Variants in PRKCB observed in about 807,000 individuals in gnomAD.
The protein encoded by PRKCB is protein kinase C beta type.
PRKCB carries 13 observed loss-of-function variants against 81.5 expected under a neutral mutation model. That is an observed-to-expected ratio of 0.16 (90% CI 0.10 to 0.25). PRKCB has a LOEUF of 0.25. Among genes scored for constraint, PRKCB ranks in the 10% least tolerant of loss-of-function variants. PRKCB has a pLI of 1.00. For synonymous variants in PRKCB, 335 were observed against 321.4 expected, an observed-to-expected ratio of 1.04 and a Z score of -0.45; for missense variants, 509 against 875.7, an observed-to-expected ratio of 0.58 and a Z score of 5.29.
intron 3 of PRKCB, among the ~76,000 whole-genome samples, chr16:24,007,525 C>T (rs1479854563): frequency 2.0e-5 from 3 of 152,174 alleles, no homozygotes; most frequent in Non-Finnish European, 4.4e-5. Flanking sequence ...ATGCAGAACC[C>T]GCTTGTAAAG....
At chr16:23,954,997 A>G (rs555966398) in intron 2 of PRKCB, among the ~76,000 whole-genome samples, 1 of 152,330 alleles carries the variant, frequency 6.6e-6, no homozygotes, top group African/African-American at 2.4e-5. Context: ...AAGAGACAAC[A>G]GTCCTGAAGA....
chr16:24,004,491 A>G (rs1264067307), intron 3 of PRKCB, among the ~76,000 whole-genome samples: 3 of 151,060 alleles, frequency 2.0e-5, no homozygotes, highest in African/African-American at 4.9e-5. Context: ...AAAAAAAAAA[A>G]AAAAAAAGAA....
chr16:24,057,382 A>T (rs1029473223), intron 5 of PRKCB, among the ~76,000 whole-genome samples: 1 of 152,224 alleles, frequency 6.6e-6, no homozygotes, highest in Admixed American at 6.5e-5. Flanking sequence ...TTAAAAATGC[A>T]GATGTGATTG....
intron 2 of PRKCB, among the ~76,000 whole-genome samples, chr16:23,847,659 T>C (rs540183018): frequency 1.3e-5 from 2 of 152,306 alleles, no homozygotes; most frequent in African/African-American, 4.8e-5. Flanking sequence ...GTTCTAGGCA[T>C]TGGAACTAGA....
At chr16:24,177,946 A>G (rs1235138203) in intron 12 of PRKCB, among the ~76,000 whole-genome samples, 1 of 152,212 alleles carries the variant, frequency 6.6e-6, no homozygotes, top group African/African-American at 2.4e-5. Flanking sequence ...TGATGGAAAT[A>G]GAGTTCTTGA....
intron 2 of PRKCB, chr16:23,893,792 G>A (rs1963330850): frequency 6.6e-6 from 1 of 152,178 alleles, no homozygotes; most frequent in Non-Finnish European, 1.5e-5. Context: ...TTGAACGGAT[G>A]TACTAAAATT....
intron 3 of PRKCB, among the ~76,000 whole-genome samples, chr16:24,002,450 C>T (rs1965050820): frequency 6.6e-6 from 1 of 152,026 alleles, no homozygotes; most frequent in Non-Finnish European, 1.5e-5. Context: ...AGTGATTCTC[C>T]TGCCTCAGCC....
rs1968228283 is a variant in PRKCB at position 24,216,361 on chromosome 16, G to A, written c.*1545G>A. 2 of 985,408 alleles carry A rather than the reference G, an allele frequency of 2.0e-6. No individual in the cohort carries two copies. Among genetic ancestry groups the A allele is most frequent in the Non-Finnish European group, 2.4e-6 (2 of 829,938 alleles). The allele number at this position is 985,408 out of a possible 1,614,324, so 61.0% of individuals were successfully genotyped here. Reference sequence around the variant, plus strand: ...TAGCAAGCAGCTTTGTGAGCTCCCTGAAGCCCAAGGAAACCCTTCGGTGGG... The same window carrying A: ...TAGCAAGCAGCTTTGTGAGCTCCCTAAAGCCCAAGGAAACCCTTCGGTGGG... On this transcript the variant is annotated 3_prime_UTR_variant, in exon 17 of 17. Transcript: ENST00000643927.
rs544248848 is a variant in PRKCB, at chr16:23,908,680, C to T, written c.205+71274C>T. Among the ~76,000 whole-genome samples, 6 of 113,250 alleles carry T rather than the reference C, an allele frequency of 5.3e-5. No individual in the cohort carries two copies. The East Asian group carries it at 1.1e-3, about 20-fold the overall frequency. The allele number at this position is 113,250 out of a possible 152,430, so 74.3% of individuals were successfully genotyped here. A position where few individuals can be genotyped will look rare whatever the true frequency, so the allele number is the denominator to read the frequency against. On this transcript the variant is annotated intron_variant, in intron 2 of 16. Transcript: ENST00000643927. Reference sequence around the variant, plus strand: ...AGCTGGGACTACAGGTGCCCACCACCGTGCCCAGCTAATTTTTTTTTTTGT... The same window carrying T: ...AGCTGGGACTACAGGTGCCCACCACTGTGCCCAGCTAATTTTTTTTTTTGT...
intron 16 of PRKCB, among the ~76,000 whole-genome samples, chr16:24,211,791 CT>C (rs1412524498): frequency 6.6e-6 from 1 of 152,124 alleles, no homozygotes; most frequent in African/African-American, 2.4e-5. Context: ...AACTCTTGAT[CT>C]CAGGTGATCC....
intron 2 of PRKCB, among the ~76,000 whole-genome samples, chr16:23,846,592 G>C (rs1962371988): frequency 7.9e-6 from 1 of 126,412 alleles, no homozygotes; most frequent in Non-Finnish European, 1.6e-5. Context: ...CCTGGCGACA[G>C]AGCGAGACTC....
At chr16:23,867,610 G>A (rs930661901) in intron 2 of PRKCB, among the ~76,000 whole-genome samples, 2 of 152,158 alleles carry the variant, frequency 1.3e-5, no homozygotes, top group African/African-American at 4.8e-5. Context: ...TTTTCATCAA[G>A]TCCTGGGTCC....
chr16:24,100,226 A>G (rs1966488572), intron 7 of PRKCB, among the ~76,000 whole-genome samples: 1 of 151,890 alleles, frequency 6.6e-6, no homozygotes, highest in Non-Finnish European at 1.5e-5. Flanking sequence ...CTCATGGCTG[A>G]TAATTCTGTT....
intron 2 of PRKCB, among the ~76,000 whole-genome samples, chr16:23,908,846 C>T (rs1963608365): frequency 6.6e-6 from 1 of 152,164 alleles, no homozygotes; most frequent in Non-Finnish European, 1.5e-5. Flanking sequence ...CAAAACACTC[C>T]TCACCCACTC....
intron 2 of PRKCB, among the ~76,000 whole-genome samples, chr16:23,914,535 T>C (rs1597243270): frequency 6.6e-6 from 1 of 152,272 alleles, no homozygotes; most frequent in African/African-American, 2.4e-5. Context: ...TCTCTGTAAG[T>C]CTGGACACCA....
chr16:23,892,626 G>A (rs1201222806), intron 2 of PRKCB, among the ~76,000 whole-genome samples: 1 of 152,176 alleles, frequency 6.6e-6, no homozygotes, highest in East Asian at 1.9e-4. Context: ...TGAGTGAGTA[G>A]GCAGATGGTC....
intron 16 of PRKCB, among the ~76,000 whole-genome samples, chr16:24,198,042 T>C (rs1227765233): frequency 6.6e-6 from 1 of 152,154 alleles, no homozygotes; most frequent in African/African-American, 2.4e-5. Flanking sequence ...AATGTAGTGA[T>C]ATCGGAGGGT....
chr16:23,901,159 C>A (rs1335067737), intron 2 of PRKCB, among the ~76,000 whole-genome samples: 1 of 152,068 alleles, frequency 6.6e-6, no homozygotes, highest in Non-Finnish European at 1.5e-5. Flanking sequence ...TTAATTGTGT[C>A]TGTCATCCTG....
chr16:24,162,896 C>A (rs1035398730), intron 10 of PRKCB, among the ~76,000 whole-genome samples: 2 of 151,432 alleles, frequency 1.3e-5, no homozygotes, highest in Non-Finnish European at 2.9e-5. Context: ...AAGAAACCAC[C>A]CAAAGACAAA....
Sources: gnomAD v4.1 joint callset for allele counts (sites outside exome capture counted in the v4.1 genomes callset) on GRCh38, gnomAD v4.1.1 for gene constraint, MANE v1.5 for transcripts, NCBI Gene and HGNC (gene_info 2026-07-23, HGNC 2026-07-21) for gene names.